The following ZFHX3 variants were observed in gnomAD, a reference collection of about 807,000 sequenced individuals.
ZFHX3 encodes zinc finger homeobox protein 3.
In ZFHX3, 42 loss-of-function variants were observed where a neutral mutation model predicts 279.1. That is an observed-to-expected ratio of 0.15 (90% CI 0.12 to 0.19). The LOEUF (loss-of-function observed/expected upper bound fraction) is 0.19, where lower values mean the gene tolerates loss of function less well. Among genes scored for constraint, ZFHX3 ranks in the 10% least tolerant of loss-of-function variants. The pLI is 1.00. For synonymous variants in ZFHX3, 2,293 were observed against 1,957.8 expected (o/e 1.17, Z -4.52); for missense variants, 4,981 against 4,754.0 (o/e 1.05, Z -1.40).
chr16:72,894,715 G>A (rs2144099464), intron 3 of ZFHX3, among the ~76,000 whole-genome samples: 1 of 152,276 alleles, frequency 6.6e-6, no homozygotes, highest in Non-Finnish European at 1.5e-5. Flanking sequence ...TGTAATATAT[G>A]AAGAATCCAC....
chr16:73,313,756 G>A (rs913644844), intron 4 of ZFHX3, among the ~76,000 whole-genome samples: 5 of 152,206 alleles, frequency 3.3e-5, no homozygotes, highest in African/African-American at 4.8e-5. Flanking sequence ...GAGGTAGTAT[G>A]ATGCTTAATT....
At chr16:73,857,352 T>C (rs1961759873) in intron 1 of ZFHX3, among the ~76,000 whole-genome samples, 2 of 152,182 alleles carry the variant, frequency 1.3e-5, no homozygotes, top group Admixed American at 1.3e-4. Context: ...TAAATGCACT[T>C]TTCCCTAAGT....
intron 7 of ZFHX3, among the ~76,000 whole-genome samples, chr16:73,120,694 G>A (rs62052400): frequency 0.27 from 33,020 of 123,228 alleles, 4,837 homozygotes; most frequent in Middle Eastern, 0.42. Context: ...TCGCTCTGTC[G>A]CCCAGGCTGG....
At chr16:73,392,430 A>AAAAAAAAAAAG in intron 3 of ZFHX3, among the ~76,000 whole-genome samples, 1 of 149,958 alleles carries the variant, frequency 6.7e-6, no homozygotes, top group Non-Finnish European at 1.5e-5. Flanking sequence ...AAAAAAAAAA[A>AAAAAAAAAAAG]AAAAAAAAAA....
intron 1 of ZFHX3, among the ~76,000 whole-genome samples, chr16:73,802,127 G>C (rs1960164024): frequency 6.6e-6 from 1 of 152,146 alleles, no homozygotes; most frequent in South Asian, 2.1e-4. Context: ...TGTGGAAACT[G>C]TGCCTTAACA....
chr16:72,957,812 A>G lies in ZFHX3; in HGVS notation c.2334T>C (p.Ala778=). ...TGATATTGGCTGCCGCCGCCGCCGC[A>G]GCCACCGCCGCCGCCGCCGCCCCGG... is the stretch of plus-strand genomic sequence containing the variant. The part of the protein sequence containing the change: ...HTAGAAAAAV[A]AAAAAANISS... Residue 778 remains alanine (A), a synonymous_variant, in exon 2 of 10, where the codon GCT becomes GCC. Transcript: ENST00000268489. The G allele has an allele frequency of 6.3e-7, 1 of 1,582,106 alleles. No homozygotes were observed. The highest frequency in any genetic ancestry group is 8.7e-7 in the Non-Finnish European group (1 of 1,155,692).
At chr16:73,464,363 AG>A (rs2018525876) in intron 2 of ZFHX3, among the ~76,000 whole-genome samples, 1 of 151,608 alleles carries the variant, frequency 6.6e-6, no homozygotes, top group African/African-American at 2.4e-5. Context: ...AAGATGGGGG[AG>A]GGGGTTATTT....
chr16:73,583,724 C>T (rs1317802990), intron 2 of ZFHX3, among the ~76,000 whole-genome samples: 3 of 152,026 alleles, frequency 2.0e-5, no homozygotes, highest in Non-Finnish European at 4.4e-5. Flanking sequence ...AACAAATGTC[C>T]CACTGTAAAT....
At chr16:73,308,241 ATATATATATATATATATAT>A (rs1257044767) in intron 4 of ZFHX3, among the ~76,000 whole-genome samples, 3 of 13,142 alleles carry the variant, frequency 2.3e-4, no homozygotes, top group African/African-American at 2.2e-4. Context: ...ATATATATAT[ATATATATATATATATATAT>A]ATATATATAT....
At chr16:73,398,327 A>G (rs1037735926) in intron 3 of ZFHX3, among the ~76,000 whole-genome samples, 3 of 152,166 alleles carry the variant, frequency 2.0e-5, no homozygotes, top group African/African-American at 7.2e-5. Flanking sequence ...ACCAGGGAAA[A>G]AGTGTCTAGC....
chr16:73,158,898 C>T (rs1967159462), intron 5 of ZFHX3, among the ~76,000 whole-genome samples: 1 of 152,164 alleles, frequency 6.6e-6, no homozygotes, highest in Non-Finnish European at 1.5e-5. Flanking sequence ...GAAACTGGAT[C>T]CCTTCCTTAA....
At chr16:73,122,961 T>C (rs9931618) in intron 7 of ZFHX3, among the ~76,000 whole-genome samples, 5,308 of 151,846 alleles carry the variant, frequency 0.035, 325 homozygotes, top group African/African-American at 0.12. Flanking sequence ...CTAGCCTAAT[T>C]AAAAAAAATT....
intron 4 of ZFHX3, among the ~76,000 whole-genome samples, chr16:73,311,608 AAAAAG>A (rs139506786): frequency 0.56 from 54,102 of 96,074 alleles, 12,441 homozygotes; most frequent in Middle Eastern, 0.6. Flanking sequence ...AAAAAAAAAA[AAAAAG>A]AAGTCACCAA....
intron 1 of ZFHX3, among the ~76,000 whole-genome samples, chr16:73,817,495 A>G (rs1960606292): frequency 6.6e-6 from 1 of 152,160 alleles, no homozygotes; most frequent in South Asian, 2.1e-4. Flanking sequence ...TTTTCATGTT[A>G]TAGACACCCT....
intron 3 of ZFHX3, among the ~76,000 whole-genome samples, chr16:73,357,731 C>T (rs114314336): frequency 0.012 from 1,757 of 152,250 alleles, 42 homozygotes; most frequent in African/African-American, 0.04. Context: ...TGAACCGTGG[C>T]CTGTGTCGGG....
intron 1 of ZFHX3, among the ~76,000 whole-genome samples, chr16:73,847,902 TAG>T (rs1484523178): frequency 1.5e-5 from 2 of 137,350 alleles, no homozygotes; most frequent in African/African-American, 5.6e-5. Flanking sequence ...TATGCCTGGC[TAG>T]TTTTTTTTTT....
chr16:72,949,495 A>T (rs916280086), intron 3 of ZFHX3, among the ~76,000 whole-genome samples: 1 of 152,084 alleles, frequency 6.6e-6, no homozygotes, highest in Non-Finnish European at 1.5e-5. Context: ...ATCAATAGAG[A>T]CGTCTGGAGC....
chr16:73,777,585 T>G (rs1219296127), intron 1 of ZFHX3, among the ~76,000 whole-genome samples: 1 of 152,002 alleles, frequency 6.6e-6, no homozygotes, highest in African/African-American at 2.4e-5. Flanking sequence ...TTATTTCATT[T>G]CTACTACATA....
rs2143426400 is a variant in ZFHX3 at position 72,796,125 on chromosome 16, T to C, written c.6557A>G (p.Gln2186Arg). The C allele has an allele frequency of 6.2e-7, 1 of 1,614,190 alleles. No homozygotes were observed. The highest frequency in any genetic ancestry group is 1.1e-5 in the South Asian group (1 of 91,080). The change falls in exon 9 of 10, where the codon CAG becomes CGG. Residue 2186 changes from glutamine to arginine, a missense_variant. This residue lies in a region of ZFHX3 where 177 missense variants were observed against 244.2 expected (regional missense o/e 0.72). Coordinates refer to ENST00000268489, the MANE Select transcript of ZFHX3 (RefSeq NM_006885.4). ...KEMADKSGLP[Q>R]KVIKHWFRNT... ...CCTGAACCAGTGCTTGATCACTTTC[T>C]GGGGCAACCCGGACTTGTCTGCCAT...
Sources: gnomAD v4.1 joint callset for allele counts (sites outside exome capture counted in the v4.1 genomes callset) on GRCh38, gnomAD v4.1.1 for gene constraint, gnomAD v4.1.1 regional missense constraint, MANE v1.5 for transcripts, NCBI Gene and HGNC (gene_info 2026-07-23, HGNC 2026-07-21) for gene names.